METTL16: variants seen among roughly 807,000 people sequenced by gnomAD.
The protein encoded by METTL16 is methyltransferase 16, RNA N6-adenosine, also known as RNA N(6)-adenosine-methyltransferase METTL16.
In METTL16, 19 loss-of-function variants were observed where a neutral mutation model predicts 57.9. The ratio of observed to expected loss-of-function variants is 0.33; its 90% CI spans 0.23 to 0.48. The LOEUF is 0.48. Ranked by LOEUF, METTL16 falls within the 20% of genes least tolerant of loss-of-function variation. The pLI, the probability that METTL16 is intolerant of heterozygous loss-of-function variation, is 0.99. For missense variants in METTL16, 434 were observed against 691.5 expected (o/e 0.63, Z 4.18); for synonymous variants, 246 against 255.6 (o/e 0.96, Z 0.36).
rs769955875 is a variant in METTL16 at position 2,467,737 on chromosome 17, AT to A, written c.585+23del. The A allele has an allele frequency of 1.0e-5, 16 of 1,583,228 alleles. No individual in the cohort carries two copies. The East Asian group carries it at 3.1e-4, about 31-fold the overall frequency. On this transcript the variant is annotated intron_variant, in intron 5 of 9. Coordinates refer to ENST00000263092, the MANE Select transcript of METTL16 (RefSeq NM_024086.4). ...CACCGCGCCCAGCCTATATTCAATT[AT>A]TTTAAAGCAGAAGACATTTTACCTT...
chr17:2,423,136 G>T (rs2066780189), intron 8 of METTL16, among the ~76,000 whole-genome samples: 1 of 152,140 alleles, frequency 6.6e-6, no homozygotes, highest in Admixed American at 6.6e-5. Context: ...GACACCACAG[G>T]TTCTGATTAC....
At chr17:2,448,154 G>A (rs75328056) in intron 6 of METTL16, among the ~76,000 whole-genome samples, 69 of 141,672 alleles carry the variant, frequency 4.9e-4, no homozygotes, top group South Asian at 1.2e-3. Flanking sequence ...CGGCCGCCCC[G>A]TCCGGGAGGT....
At chr17:2,490,305 C>G (rs185389816) in intron 2 of METTL16, among the ~76,000 whole-genome samples, 1 of 152,082 alleles carries the variant, frequency 6.6e-6, no homozygotes, top group South Asian at 2.1e-4. Flanking sequence ...CAGTCTTATT[C>G]TTTTTAATGA....
At chr17:2,488,488 C>T (rs559839257) in intron 2 of METTL16, among the ~76,000 whole-genome samples, 193 of 151,910 alleles carry the variant, frequency 1.3e-3, no homozygotes, top group African/African-American at 4.4e-3. Flanking sequence ...ACCCGGGAGG[C>T]GGATAGGTTG....
intron 1 of METTL16, among the ~76,000 whole-genome samples, chr17:2,508,545 A>G (rs1350233442): frequency 6.6e-6 from 1 of 152,090 alleles, no homozygotes; most frequent in African/African-American, 2.4e-5. Context: ...CAGGTCCTGA[A>G]TACTCCATCT....
chr17:2,468,993 G>A (rs757069050), intron 4 of METTL16, among the ~76,000 whole-genome samples: 32 of 151,234 alleles, frequency 2.1e-4, no homozygotes, highest in Admixed American at 4.6e-4. Context: ...CCAACACTTC[G>A]GGAGGCCGAG....
chr17:2,484,655 C>G (rs939124874), intron 2 of METTL16, among the ~76,000 whole-genome samples: 1 of 152,070 alleles, frequency 6.6e-6, no homozygotes, highest in Admixed American at 6.6e-5. Flanking sequence ...CCACCATGCC[C>G]GGCTAATTTT....
chr17:2,423,473 A>T (rs2066783817), intron 8 of METTL16, among the ~76,000 whole-genome samples: 1 of 152,204 alleles, frequency 6.6e-6, no homozygotes, highest in South Asian at 2.1e-4. Flanking sequence ...TAGTCTACTG[A>T]GAGCCTAACG....
intron 2 of METTL16, among the ~76,000 whole-genome samples, chr17:2,481,777 A>G (rs2151571149): frequency 6.6e-6 from 1 of 152,326 alleles, no homozygotes; most frequent in South Asian, 2.1e-4. Flanking sequence ...TTCCAGAAAT[A>G]GAAGGCTCAC....
In METTL16 at chr17:2,488,580, T is replaced by TA. The variant is rs540588071; in HGVS notation, c.129-10696dup. Reference sequence around the variant, plus strand: ...TTCCCCACCCACCAAAAAAACAAATTAAAAAAAACAAAAAAAAGGAAATCC... The same window carrying TA: ...TTCCCCACCCACCAAAAAAACAAATTAAAAAAAAACAAAAAAAAGGAAATCC... On this transcript the variant is annotated intron_variant, in intron 2 of 9. Transcript: ENST00000263092. Among the ~76,000 whole-genome samples the TA allele has an allele frequency of 2.9e-3, 440 of 150,612 alleles. 3 individuals carry two copies. Among genetic ancestry groups the TA allele is most frequent in the Admixed American group, 4.4e-3 (67 of 15,130 alleles).
rs890239482 is a variant in METTL16, at chr17:2,417,079, T to A, written c.*2891A>T. 1.3e-3 allele frequency: 174 copies of A among 134,180 alleles called. 1 individual carries two copies. The highest frequency in any genetic ancestry group is 4.1e-3 in the African/African-American group (144 of 35,172). The allele number at this position is 134,180 out of a possible 1,614,324, so 8.3% of individuals were successfully genotyped here. A position where few individuals can be genotyped will look rare whatever the true frequency, so the allele number is the denominator to read the frequency against. ...GTTCCTTTTTTTTTTTTTTTTTTTTTTTTTTTGAGACAGTCCCACTTTGTC... is the reference window on the plus strand; with the variant it reads ...GTTCCTTTTTTTTTTTTTTTTTTTTATTTTTTGAGACAGTCCCACTTTGTC... On this transcript the variant is annotated 3_prime_UTR_variant, in exon 10 of 10. Coordinates refer to ENST00000263092, the MANE Select transcript of METTL16 (RefSeq NM_024086.4).
At chr17:2,438,555 T>A (rs1487738175) in intron 7 of METTL16, among the ~76,000 whole-genome samples, 1 of 152,108 alleles carries the variant, frequency 6.6e-6, no homozygotes, top group Non-Finnish European at 1.5e-5. Context: ...CAGGCTGGAG[T>A]GCAGTGTGCG....
downstream of METTL16, chr17:2,416,038 C>G (rs575981226): frequency 5.3e-5 from 8 of 152,114 alleles, no homozygotes; most frequent in African/African-American, 1.9e-4. Context: ...GTAAAGAGAC[C>G]ATGGCTAGTG....
chr17:2,502,135 G>T, intron 2 of METTL16, 69 bp downstream of exon 2: 3 of 1,507,008 alleles, frequency 2.0e-6, no homozygotes, highest in Non-Finnish European at 2.7e-6. Context: ...ACACTCAGGT[G>T]GGCTTTCTAT....
intron 3 of METTL16, among the ~76,000 whole-genome samples, chr17:2,475,486 C>CTCT (rs1452518073): frequency 6.6e-6 from 1 of 152,190 alleles, no homozygotes; most frequent in East Asian, 1.9e-4. Flanking sequence ...AACTGCCTCT[C>CTCT]TCTTCAAACT....
intron 7 of METTL16, among the ~76,000 whole-genome samples, chr17:2,440,669 CA>C (rs2066942930): frequency 6.6e-6 from 1 of 151,792 alleles, no homozygotes; most frequent in Non-Finnish European, 1.5e-5. Context: ...GACTTGGTCC[CA>C]AAGGAAAAGA....
chr17:2,431,417 T>C (rs904455598), intron 8 of METTL16, among the ~76,000 whole-genome samples: 3 of 152,250 alleles, frequency 2.0e-5, no homozygotes, highest in Non-Finnish European at 4.4e-5. Flanking sequence ...CTATTATGAA[T>C]AATGTTGCTG....
intron 8 of METTL16, among the ~76,000 whole-genome samples, chr17:2,430,277 T>C (rs2066862990): frequency 6.6e-6 from 1 of 151,768 alleles, no homozygotes; most frequent in East Asian, 1.9e-4. Context: ...CACTCCTGGC[T>C]ATTTTTTTTT....
intron 5 of METTL16, among the ~76,000 whole-genome samples, chr17:2,466,287 T>C (rs566634484): frequency 9.2e-5 from 14 of 151,512 alleles, no homozygotes; most frequent in Admixed American, 4.6e-4. Context: ...ATGACCTGAG[T>C]TGGTCCAATG....
Sources: allele counts gnomAD v4.1 joint callset (sites outside exome capture counted in the v4.1 genomes callset), GRCh38; gene constraint gnomAD v4.1.1; transcripts MANE v1.5; gene names NCBI Gene and HGNC (gene_info 2026-07-23, HGNC 2026-07-21).